The following RRM2 variants were observed in gnomAD, a reference collection of about 807,000 sequenced individuals.
RRM2 encodes the protein ribonucleoside-diphosphate reductase subunit M2.
RRM2 carries 6 observed loss-of-function variants against 45.9 expected under a neutral mutation model. The ratio of observed to expected loss-of-function variants is 0.13; its 90% CI spans 0.07 to 0.26. RRM2 has a LOEUF of 0.26. Among genes scored for constraint, RRM2 ranks in the 10% least tolerant of loss-of-function variants. RRM2 has a pLI of 1.00. For missense variants in RRM2, 343 were observed against 489.5 expected (o/e 0.70, Z 2.82); for synonymous variants, 177 against 173.0 (o/e 1.02, Z -0.18).
intron 2 of RRM2, chr2:10,142,254 G>A: frequency 6.8e-7 from 1 of 1,479,116 alleles, no homozygotes; most frequent in Non-Finnish European, 9.1e-7. Flanking sequence ...TCATTTCTAA[G>A]GGGATGAGAA....
chr2:10,141,038 C>T (rs921097665), upstream of RRM2, among the ~76,000 whole-genome samples: 4 of 152,084 alleles, frequency 2.6e-5, no homozygotes, highest in African/African-American at 7.2e-5. Context: ...ATCTCGCCCA[C>T]GTCGCTGTCA....
chr2:10,131,147 GTTA>G lies in RRM2; in HGVS notation c.*1764_*1766del, dbSNP rs1218065965. 2.6e-5 allele frequency: 4 copies of G among 152,016 alleles called. No individual in the cohort carries two copies. Among genetic ancestry groups the G allele is most frequent in the African/African-American group, 7.2e-5 (3 of 41,388 alleles). 9.4% of individuals were successfully genotyped at this position (152,016 alleles called of 1,614,324 possible). A position where few individuals can be genotyped will look rare whatever the true frequency, so the allele number is the denominator to read the frequency against. ...TATGATACATTTTCCTATCTTTTAA[GTTA>G]TTGTTACCTAAAGTTAATCCAGATT... On this transcript the variant is annotated 3_prime_UTR_variant, in exon 10 of 10. Transcript: ENST00000304567.
intron 3 of RRM2, among the ~76,000 whole-genome samples, chr2:10,187,300 C>T (rs991580810): frequency 3.9e-5 from 6 of 152,204 alleles, no homozygotes; most frequent in African/African-American, 9.7e-5. Flanking sequence ...AAACCGGTCA[C>T]GCAGGGCTCG....
rs138104718 is a variant in RRM2 at position 10,163,415 on chromosome 2, G to T, written n.482+21040G>T. Among the ~76,000 whole-genome samples the T allele has an allele frequency of 7.8e-3, 1,184 of 152,258 alleles. 14 individuals carry two copies. The highest frequency in any genetic ancestry group is 0.027 in the African/African-American group (1,129 of 41,544). Reference sequence around the variant, plus strand: ...AGGGGGCACCAAGCTCCACATGTGGGTGTGGGGCAGCCAGGCTGGGAGCAG... The same window carrying T: ...AGGGGGCACCAAGCTCCACATGTGGTTGTGGGGCAGCCAGGCTGGGAGCAG... On this transcript the variant is annotated intron_variant and non_coding_transcript_variant, in intron 3 of 3. Transcript: ENST00000381786.
At chr2:10,144,162 G>A (rs140925134) in intron 3 of RRM2, among the ~76,000 whole-genome samples, 2,766 of 152,326 alleles carry the variant, frequency 0.018, 44 homozygotes, top group Middle Eastern at 0.054. Context: ...AATGAATGTG[G>A]AAGACTGAAT....
intron 2 of RRM2, chr2:10,142,082 G>A (rs1227439377): frequency 6.3e-7 from 1 of 1,595,766 alleles, no homozygotes; most frequent in African/African-American, 1.3e-5. Flanking sequence ...ACGTGGTTAG[G>A]GGAGGAAAGC....
chr2:10,167,285 G>C (rs138202034), intron 3 of RRM2, among the ~76,000 whole-genome samples: 3 of 152,318 alleles, frequency 2.0e-5, no homozygotes, highest in African/African-American at 7.2e-5. Context: ...GCCAGTGAAG[G>C]GCAAATGACT....
Position 10,190,938 on chromosome 2 carries a change from C to T in RRM2, n.483-19373C>T, listed in dbSNP as rs115776341. Among the ~76,000 whole-genome samples the T allele has an allele frequency of 3.1e-3, 465 of 152,256 alleles. 2 individuals are homozygous for T. The highest frequency in any genetic ancestry group is 0.01 in the African/African-American group (429 of 41,520). ...CACTTCCTCTTCTCTAGCTCTGTCT[C>T]TCACCTGCTCTTGCCTGAGCTCCAC... On this transcript the variant is annotated intron_variant and non_coding_transcript_variant, in intron 3 of 3. Coordinates refer to the RRM2 transcript ENST00000381786.
chr2:10,128,841 T>C lies in RRM2; in HGVS notation c.799-7T>C, dbSNP rs765428474. 9.9e-6 allele frequency: 16 copies of C among 1,610,888 alleles called. No individual in the cohort carries two copies. The African/African-American group carries it at 2.1e-4, about 22-fold the overall frequency. ...TGGCTTTAGTGATCTTGAACTTTTT[T>C]TTCTAGGGTTTACACTGTGATTTTG... On this transcript the variant is annotated splice_polypyrimidine_tract_variant and splice_region_variant and intron_variant, in intron 7 of 9. Coordinates refer to ENST00000304567, the MANE Select transcript of RRM2 (RefSeq NM_001034.4).
In RRM2 at chr2:10,185,993, A is replaced by G. The variant is rs1019802411; in HGVS notation, n.483-24318A>G. ...CAGCATACTTTGAATGTTGTTATGAAGTCCAGTGGAGAAGAGCTAGCCTAA... is the reference window on the plus strand; with the variant it reads ...CAGCATACTTTGAATGTTGTTATGAGGTCCAGTGGAGAAGAGCTAGCCTAA... On this transcript the variant is annotated intron_variant and non_coding_transcript_variant, in intron 3 of 3. Transcript: ENST00000381786. This position sits in a 1 kb window ranked among gnomAD's most constrained non-coding sequence, Gnocchi z 4.3. Among the ~76,000 whole-genome samples, 1 of 152,220 alleles carries G rather than the reference A, an allele frequency of 6.6e-6. No individual in the cohort carries two copies. The highest frequency in any genetic ancestry group is 2.4e-5 in the African/African-American group (1 of 41,456).
intron 3 of RRM2, among the ~76,000 whole-genome samples, chr2:10,197,581 G>GC (rs1249152473): frequency 6.6e-6 from 1 of 152,134 alleles, no homozygotes; most frequent in African/African-American, 2.4e-5. Context: ...TACCTGCGGG[G>GC]CGGGCACACC....
At position 10,157,403 on chromosome 2, in the gene RRM2, C is replaced by T. The variant is rs193128504; in HGVS notation, n.482+15028C>T. Among the ~76,000 whole-genome samples, 1,152 of 152,306 alleles carry T rather than the reference C, an allele frequency of 7.6e-3. 8 individuals are homozygous for T. The highest frequency in any genetic ancestry group is 0.013 in the Non-Finnish European group (892 of 68,024). On this transcript the variant is annotated intron_variant and non_coding_transcript_variant, in intron 3 of 3. Coordinates refer to the RRM2 transcript ENST00000381786. ...CACATCATAAGAGCACAGCTCGATG[C>T]CTTTTCTCAAAGTGTATGCACTTGT...
rs921158433 is a variant in RRM2 at position 10,172,357 on chromosome 2, C to A, written n.482+29982C>A. 6.6e-6 allele frequency among the ~76,000 whole-genome samples: 1 copy of A among 152,106 alleles called. No homozygotes were observed. Among genetic ancestry groups the A allele is most frequent in the Admixed American group, 6.5e-5 (1 of 15,278 alleles). ...TCTGCTGCCTCCATCTGACCCTGCT[C>A]CGGAGGGACCAGGGGAGGGGCGGAC... On this transcript the variant is annotated intron_variant and non_coding_transcript_variant, in intron 3 of 3. Coordinates refer to the RRM2 transcript ENST00000381786. This position sits in a 1 kb window ranked among gnomAD's most constrained non-coding sequence, Gnocchi z 4.9.
intron 3 of RRM2, among the ~76,000 whole-genome samples, chr2:10,194,795 C>T (rs1380630347): frequency 2.0e-5 from 3 of 152,382 alleles, no homozygotes; most frequent in East Asian, 3.9e-4. Context: ...TCCTTCCCTC[C>T]CCTGCGTCCT....
chr2:10,186,531 C>T (rs1041132376), intron 3 of RRM2, among the ~76,000 whole-genome samples: 1 of 151,708 alleles, frequency 6.6e-6, no homozygotes, highest in Non-Finnish European at 1.5e-5. Context: ...GTAGTGTGTA[C>T]AACAGTTAAA....
Position 10,169,676 on chromosome 2 carries a change from G to A in RRM2, n.482+27301G>A, listed in dbSNP as rs1663756283. Among the ~76,000 whole-genome samples the A allele has an allele frequency of 6.6e-6, 1 of 152,122 alleles. No individual in the cohort carries two copies. The highest frequency in any genetic ancestry group is 2.1e-4 in the South Asian group (1 of 4,832). On this transcript the variant is annotated intron_variant and non_coding_transcript_variant, in intron 3 of 3. Coordinates refer to the RRM2 transcript ENST00000381786. The surrounding 1 kb of genome is among the most constrained non-coding windows in gnomAD (Gnocchi z 5.1). Reference sequence around the variant, plus strand: ...TATGCGCCCCTTTCCTGGCCCCCTCGAGGTCTGCACAGCCCTGAGTGCTCA... The same window carrying A: ...TATGCGCCCCTTTCCTGGCCCCCTCAAGGTCTGCACAGCCCTGAGTGCTCA...
chr2:10,161,557 A>G (rs1376378193), intron 3 of RRM2, among the ~76,000 whole-genome samples: 1 of 152,006 alleles, frequency 6.6e-6, no homozygotes, highest in Non-Finnish European at 1.5e-5. Flanking sequence ...AGATGAGAAA[A>G]ATACATACAC....
At chr2:10,180,196 T>C (rs1019231992) in intron 3 of RRM2, among the ~76,000 whole-genome samples, 4 of 152,206 alleles carry the variant, frequency 2.6e-5, no homozygotes, top group African/African-American at 9.7e-5. Context: ...ACAGAGGCTT[T>C]TGAGAAAATA....
At chr2:10,197,441 A>T (rs541001073) in intron 3 of RRM2, among the ~76,000 whole-genome samples, 1 of 152,126 alleles carries the variant, frequency 6.6e-6, no homozygotes, top group Non-Finnish European at 1.5e-5. Flanking sequence ...CCTGGGACAG[A>T]TGGCCTCCTG....
Sources: allele counts gnomAD v4.1 joint callset (sites outside exome capture counted in the v4.1 genomes callset), GRCh38; gene constraint gnomAD v4.1.1; non-coding constraint Gnocchi (gnomAD v3.1); transcripts MANE v1.5; gene names NCBI Gene and HGNC (gene_info 2026-07-23, HGNC 2026-07-21).